RLN2: variants seen among roughly 807,000 people sequenced by gnomAD.
RLN2 encodes the protein relaxin 2, also known as prorelaxin H2.
RLN2 carries 10 observed loss-of-function variants against 7.3 expected under a neutral mutation model. That is an observed-to-expected ratio of 1.36 (90% confidence interval 0.84 to 2.31). The LOEUF is 2.31. Among genes scored for constraint, RLN2 ranks in the 30% most tolerant of loss-of-function variants. The probability of loss-of-function intolerance (pLI) is 0.00; values close to 1 mark genes in which losing one functional copy is unlikely to be tolerated. For synonymous variants in RLN2, 103 were observed against 82.3 expected (o/e 1.25, Z -1.36); for missense variants, 298 against 217.6 (o/e 1.37, Z -2.32).
the RLN2 span, among the ~76,000 whole-genome samples, chr9:5,327,253 G>A: frequency 6.6e-6 from 1 of 152,120 alleles, no homozygotes; most frequent in African/African-American, 2.4e-5. Context: ...TCCTTTGCCT[G>A]GCTAGGCAGG....
the RLN2 span, among the ~76,000 whole-genome samples, chr9:5,328,707 G>T: frequency 2.0e-5 from 3 of 152,002 alleles, no homozygotes; most frequent in Admixed American, 2.0e-4. Flanking sequence ...ACTAACAGCG[G>T]ATCTCTCGGC....
At chr9:5,330,758 T>C in the RLN2 span, among the ~76,000 whole-genome samples, 5 of 63,828 alleles carry the variant, frequency 7.8e-5, no homozygotes, top group Admixed American at 2.0e-4. Context: ...CTGAAGGAGA[T>C]AGAGAGACAA....
At chr9:5,307,271 GGATAGATAGATAGATA>G (rs148888922), upstream of RLN2, among the ~76,000 whole-genome samples, 2,029 of 143,574 alleles carry the variant, frequency 0.014, 57 homozygotes, top group East Asian at 0.044. Flanking sequence ...GATAGATAGA[GGATAGATAGATAGATA>G]GATAGATAGA....
the RLN2 span, among the ~76,000 whole-genome samples, chr9:5,324,825 G>A: frequency 6.6e-6 from 1 of 151,970 alleles, no homozygotes; most frequent in Admixed American, 6.6e-5. Flanking sequence ...TATTCTCTTT[G>A]GGGTTCTATC....
chr9:5,326,412 A>C, the RLN2 span, among the ~76,000 whole-genome samples: 1 of 152,074 alleles, frequency 6.6e-6, no homozygotes, highest in South Asian at 2.1e-4. Flanking sequence ...TTAGGAACCC[A>C]CTGCCATAGG....
At chr9:5,311,380 G>A in the RLN2 span, 156 of 461,228 alleles carry the variant, frequency 3.4e-4, 2 homozygotes, top group African/African-American at 2.5e-3. Flanking sequence ...GAAAACAGCC[G>A]GGGCTCTCAT....
the RLN2 span, among the ~76,000 whole-genome samples, chr9:5,311,038 A>G: frequency 6.6e-6 from 1 of 152,092 alleles, no homozygotes; most frequent in Non-Finnish European, 1.5e-5. Flanking sequence ...CAAGAGCTAG[A>G]TCTCAGTCCA....
At chr9:5,323,513 T>G in the RLN2 span, among the ~76,000 whole-genome samples, 1 of 151,942 alleles carries the variant, frequency 6.6e-6, no homozygotes, top group Admixed American at 6.6e-5. Context: ...TTTTTCCCTT[T>G]TCTTTAGAGT....
chr9:5,304,566 A>G lies in RLN2; in HGVS notation c.15T>C (p.Phe5=), dbSNP rs757561439. 1.8e-4 allele frequency: 289 copies of G among 1,613,142 alleles called. No homozygotes were observed. Among genetic ancestry groups the G allele is most frequent in the East Asian group, 8.5e-4 (38 of 44,772 alleles). MPRL[F]FFHLLGVCLL... ...AACAGACTCCTAGCAGGTGGAAAAA[A>G]AACAGGCGAGGCATCCTGGGCCTGG... Residue 5 remains phenylalanine (F), a synonymous_variant, in exon 1 of 2, where the codon TTT becomes TTC. Coordinates refer to ENST00000381627, the MANE Select transcript of RLN2 (RefSeq NM_134441.3).
At chr9:5,324,837 T>C in the RLN2 span, among the ~76,000 whole-genome samples, 14 of 152,214 alleles carry the variant, frequency 9.2e-5, no homozygotes, top group Admixed American at 7.9e-4. Context: ...GGTTCTATCC[T>C]TAACATAAAC....
At chr9:5,304,790 A>C, upstream of RLN2, 1 of 586,960 alleles carries the variant, frequency 1.7e-6, no homozygotes, top group Non-Finnish European at 3.1e-6. Context: ...CCTCCACAGA[A>C]TTTTCCCCCT....
intron 1 of RLN2, among the ~76,000 whole-genome samples, chr9:5,301,923 T>C (rs1816149959): frequency 6.6e-6 from 1 of 152,250 alleles, no homozygotes; most frequent in African/African-American, 2.4e-5. Context: ...TGAGAATTTA[T>C]ATCGTTTTTG....
upstream of RLN2, among the ~76,000 whole-genome samples, chr9:5,307,512 G>A (rs552744812): frequency 2.0e-5 from 3 of 151,982 alleles, no homozygotes; most frequent in Non-Finnish European, 4.4e-5. Flanking sequence ...ACTGAAAGAG[G>A]AGTCATATAT....
upstream of RLN2, among the ~76,000 whole-genome samples, chr9:5,308,633 C>A (rs1049582192): frequency 1.3e-5 from 2 of 151,948 alleles, no homozygotes; most frequent in African/African-American, 4.8e-5. Flanking sequence ...AAATTAATGT[C>A]AAAGCATCAA....
chr9:5,306,728 C>A (rs1248290581), upstream of RLN2, among the ~76,000 whole-genome samples: 1 of 152,014 alleles, frequency 6.6e-6, no homozygotes, highest in East Asian at 1.9e-4. Context: ...TTCCAACGCC[C>A]CCTTTCCTTC....
At chr9:5,326,544 A>T in the RLN2 span, among the ~76,000 whole-genome samples, 1 of 151,978 alleles carries the variant, frequency 6.6e-6, no homozygotes, top group East Asian at 1.9e-4. Flanking sequence ...GGAGGGTCAG[A>T]CTCAGAGCAT....
chr9:5,315,805 T>A, the RLN2 span, among the ~76,000 whole-genome samples: 1 of 151,992 alleles, frequency 6.6e-6, no homozygotes, highest in Admixed American at 6.6e-5. Flanking sequence ...TTCAAAGTGC[T>A]GAAAGAAAAA....
At chr9:5,323,503 T>G in the RLN2 span, among the ~76,000 whole-genome samples, 1 of 151,930 alleles carries the variant, frequency 6.6e-6, no homozygotes, top group African/African-American at 2.4e-5. Flanking sequence ...ATAGGCAGAT[T>G]TTTTCCCTTT....
At chr9:5,308,916 A>G (rs1816299818), upstream of RLN2, among the ~76,000 whole-genome samples, 1 of 152,064 alleles carries the variant, frequency 6.6e-6, no homozygotes. Context: ...TTGATACTGC[A>G]AAGCCTGCCT....
Sources: allele counts gnomAD v4.1 joint callset (sites outside exome capture counted in the v4.1 genomes callset), GRCh38; gene constraint gnomAD v4.1.1; transcripts MANE v1.5; gene names NCBI Gene and HGNC (gene_info 2026-07-23, HGNC 2026-07-21).